Variants in DDI2 observed in about 807,000 individuals in gnomAD.
The protein encoded by DDI2 is DDI proteasomal shuttling factor 2.
Under a neutral mutation model 48.1 loss-of-function variants are expected in DDI2, and 5 were observed. The ratio of observed to expected loss-of-function variants is 0.10; its 90% confidence interval spans 0.05 to 0.22. The LOEUF (loss-of-function observed/expected upper bound fraction) is 0.22, where lower values mean the gene tolerates loss of function less well. Ranked by LOEUF, DDI2 falls within the 10% of genes least tolerant of loss-of-function variation. The probability of loss-of-function intolerance (pLI) is 1.00; values close to 1 mark genes in which losing one functional copy is unlikely to be tolerated. For missense variants in DDI2, 285 were observed against 506.2 expected (o/e 0.56, Z 4.19); for synonymous variants, 205 against 183.6 (o/e 1.12, Z -0.94).
At chr1:15,626,465 G>A (rs1283774248) in intron 1 of DDI2, among the ~76,000 whole-genome samples, 1 of 152,170 alleles carries the variant, frequency 6.6e-6, no homozygotes, top group Non-Finnish European at 1.5e-5. Flanking sequence ...ATAGTGAAAG[G>A]CGAAGTCAGG....
chr1:15,632,646 T>C (rs975264381), intron 3 of DDI2, among the ~76,000 whole-genome samples: 2 of 152,172 alleles, frequency 1.3e-5, no homozygotes, highest in South Asian at 2.1e-4. Context: ...ACACAAAATA[T>C]AGGTAGACTA....
Position 15,659,923 on chromosome 1 carries a change from CAG to C in DDI2, c.*136_*137del. On this transcript the variant is annotated 3_prime_UTR_variant, in exon 10 of 10. Coordinates refer to ENST00000480945, the MANE Select transcript of DDI2 (RefSeq NM_032341.5). ...TAACCATCCCGCCCGTTCTTCAGGA[CAG>C]AGTCCTGATGTTGGTAATCCTATGA... The C allele has an allele frequency of 1.2e-6, 2 of 1,611,748 alleles. No individual in the cohort carries two copies. Among genetic ancestry groups the C allele is most frequent in the Non-Finnish European group, 1.7e-6 (2 of 1,179,308 alleles).
At chr1:15,638,895 T>C (rs572603354) in intron 5 of DDI2, among the ~76,000 whole-genome samples, 55 of 152,310 alleles carry the variant, frequency 3.6e-4, no homozygotes, top group African/African-American at 1.2e-3. Flanking sequence ...AATCATTTCT[T>C]AACCAGTTTT....
At position 15,617,491 on chromosome 1, in the gene DDI2, C is replaced by G; in HGVS notation, c.-180C>G. 1 of 394,894 alleles carries G rather than the reference C, an allele frequency of 2.5e-6. No homozygotes were observed. The highest frequency in any genetic ancestry group is 4.2e-5 in the East Asian group (1 of 23,622). The allele number at this position is 394,894 out of a possible 1,614,324, so 24.5% of individuals were successfully genotyped here. The stretch of plus-strand genomic sequence containing the variant: ...TCGCAGGCGTGTGGCGGCGGCCGTG[C>G]TTGCTAGTGAGGGCGGGAGGGAGTG... On this transcript the variant is annotated 5_prime_UTR_variant, in exon 1 of 10. Coordinates refer to ENST00000480945, the MANE Select transcript of DDI2 (RefSeq NM_032341.5).
In DDI2 at chr1:15,623,818, T is replaced by C. The variant is rs1639709800; in HGVS notation, c.139-2851T>C. 2.0e-5 allele frequency among the ~76,000 whole-genome samples: 3 copies of C among 152,138 alleles called. No homozygotes were observed. The South Asian group carries it at 6.2e-4, about 32-fold the overall frequency. ...ACTCACGTCTGTAATCCCAGCACTTTAGGAGGCCAAGGCGGGCAGATCACA... is the reference window on the plus strand; with the variant it reads ...ACTCACGTCTGTAATCCCAGCACTTCAGGAGGCCAAGGCGGGCAGATCACA... On this transcript the variant is annotated intron_variant, in intron 1 of 9. Coordinates refer to ENST00000480945, the MANE Select transcript of DDI2 (RefSeq NM_032341.5).
chr1:15,624,640 A>T (rs6429765), intron 1 of DDI2, among the ~76,000 whole-genome samples: 29,810 of 148,432 alleles, frequency 0.2, 3,016 homozygotes, highest in Middle Eastern at 0.26. Context: ...GCTATTTAAA[A>T]TTTTTTTTTT....
intron 1 of DDI2, among the ~76,000 whole-genome samples, chr1:15,624,110 CAT>C (rs1223537868): frequency 6.6e-6 from 1 of 152,160 alleles, no homozygotes; most frequent in Non-Finnish European, 1.5e-5. Context: ...GGAGACTGTT[CAT>C]GTATCTCTAA....
chr1:15,627,838 A>T (rs1639782316), intron 2 of DDI2, among the ~76,000 whole-genome samples: 1 of 152,230 alleles, frequency 6.6e-6, no homozygotes, highest in South Asian at 2.1e-4. Context: ...TTTTAACCAC[A>T]GTGTTTCCAT....
In DDI2 at chr1:15,629,314, G is replaced by A. The variant is rs148899147; in HGVS notation, c.269-1011G>A. Among the ~76,000 whole-genome samples the A allele has an allele frequency of 5.1e-4, 78 of 152,138 alleles. 1 individual carries two copies. Among genetic ancestry groups the A allele is most frequent in the African/African-American group, 1.8e-3 (76 of 41,480 alleles). On this transcript the variant is annotated intron_variant, in intron 2 of 9. Coordinates refer to ENST00000480945, the MANE Select transcript of DDI2 (RefSeq NM_032341.5). ...TGACATATATAATATCCTTTGATCC[G>A]GCCGGGCACAGTGGCTCACACTTAT...
At chr1:15,636,765 G>A (rs1347222459) in intron 4 of DDI2, among the ~76,000 whole-genome samples, 1 of 152,198 alleles carries the variant, frequency 6.6e-6, no homozygotes, top group Non-Finnish European at 1.5e-5. Flanking sequence ...AGGCCTTAGT[G>A]GACTTTCTAT....
chr1:15,620,415 C>T (rs551840821), intron 1 of DDI2, among the ~76,000 whole-genome samples: 8 of 152,234 alleles, frequency 5.3e-5, no homozygotes, highest in Admixed American at 2.0e-4. Flanking sequence ...ATCATGTTTA[C>T]TTACTTGAGT....
intron 8 of DDI2, among the ~76,000 whole-genome samples, chr1:15,652,151 T>C (rs1640196369): frequency 6.9e-6 from 1 of 144,442 alleles, no homozygotes; most frequent in African/African-American, 2.6e-5. Context: ...TGTAGTTCAC[T>C]GCACCCTTGA....
intron 2 of DDI2, among the ~76,000 whole-genome samples, chr1:15,628,003 A>G (rs1639784654): frequency 6.6e-6 from 1 of 152,224 alleles, no homozygotes; most frequent in Non-Finnish European, 1.5e-5. Flanking sequence ...GACAATCAGT[A>G]AAAACCACAT....
chr1:15,648,133 A>G (rs1457012053), intron 6 of DDI2, among the ~76,000 whole-genome samples: 1 of 152,204 alleles, frequency 6.6e-6, no homozygotes, highest in African/African-American at 2.4e-5. Context: ...TAGGATAAAG[A>G]TAGTTCAACT....
chr1:15,658,786 C>T (rs1359902468), intron 9 of DDI2, among the ~76,000 whole-genome samples: 6 of 151,146 alleles, frequency 4.0e-5, no homozygotes, highest in Non-Finnish European at 5.9e-5. Context: ...CACTTACATG[C>T]GTAGAGGTCA....
At chr1:15,648,930 G>A (rs1395229003) in intron 6 of DDI2, among the ~76,000 whole-genome samples, 2 of 151,890 alleles carry the variant, frequency 1.3e-5, no homozygotes, top group Non-Finnish European at 1.5e-5. Context: ...TAAGGAAGGA[G>A]TTCTTTAAAA....
chr1:15,648,575 T>C (rs549096141), intron 6 of DDI2, among the ~76,000 whole-genome samples: 1 of 152,304 alleles, frequency 6.6e-6, no homozygotes, highest in Non-Finnish European at 1.5e-5. Context: ...ATCAAAGGAC[T>C]ATCTAGAAGA....
At chr1:15,639,992 C>CTG (rs1639982232) in intron 5 of DDI2, among the ~76,000 whole-genome samples, 1 of 151,460 alleles carries the variant, frequency 6.6e-6, no homozygotes, top group Admixed American at 6.6e-5. Context: ...GTGCCCCAGC[C>CTG]TGGGTGAGTG....
At chr1:15,656,569 T>C in intron 8 of DDI2, 48 bp from the exon 9 acceptor site, 1 of 1,614,096 alleles carries the variant, frequency 6.2e-7, no homozygotes, top group Non-Finnish European at 8.5e-7. Context: ...TGCTGTGTGG[T>C]TTGCATTGTT....
Sources: allele counts gnomAD v4.1 joint callset (sites outside exome capture counted in the v4.1 genomes callset), GRCh38; gene constraint gnomAD v4.1.1; transcripts MANE v1.5; gene names NCBI Gene and HGNC (gene_info 2026-07-23, HGNC 2026-07-21).